Variants in IFT80 observed in about 807,000 individuals in gnomAD.
IFT80 encodes intraflagellar transport protein 80 homolog.
IFT80 carries 79 observed loss-of-function variants against 107.9 expected under a neutral mutation model. The ratio of observed to expected loss-of-function variants is 0.73; its 90% CI spans 0.61 to 0.88. The LOEUF is 0.88. Ranked by LOEUF, IFT80 falls within the 40% of genes least tolerant of loss-of-function variation. IFT80 has a pLI of 0.00. For synonymous variants in IFT80, 299 were observed against 300.9 expected (o/e 0.99, Z 0.07); for missense variants, 797 against 914.2 (o/e 0.87, Z 1.65).
chr3:160,330,738 C>A (rs909219640), intron 8 of IFT80, among the ~76,000 whole-genome samples: 3 of 152,070 alleles, frequency 2.0e-5, no homozygotes, highest in African/African-American at 4.8e-5. Flanking sequence ...CATAATAGAC[C>A]CCCATTTACC....
At position 160,280,681 on chromosome 3, in the gene IFT80, A is replaced by G; in HGVS notation, c.1650T>C (p.Tyr550=). ...VDRDILPKTL[Y]ERDASEFSKN... is the part of the protein sequence containing the mutation. ...TAAAATGTTACCTTGCATCCCTTTC[A>G]TATAATGTTTTAGGCAAAATGTCTC... Residue 550 remains tyrosine (Y), a synonymous_variant, in exon 15 of 20, where the codon TAT becomes TAC. Coordinates refer to ENST00000326448, the MANE Select transcript of IFT80 (RefSeq NM_020800.3). The G allele has an allele frequency of 1.2e-6, 2 of 1,612,166 alleles. No homozygotes were observed. The highest frequency in any genetic ancestry group is 1.7e-6 in the Non-Finnish European group (2 of 1,178,534).
At chr3:160,299,290 G>C in intron 12 of IFT80, 2 of 1,073,884 alleles carry the variant, frequency 1.9e-6, no homozygotes, top group Non-Finnish European at 2.4e-6. Flanking sequence ...TGAAGAGATA[G>C]AAAAGCTCTA....
At chr3:160,340,941 T>C (rs772875035) in intron 8 of IFT80, among the ~76,000 whole-genome samples, 7 of 152,202 alleles carry the variant, frequency 4.6e-5, no homozygotes, top group Non-Finnish European at 8.8e-5. Flanking sequence ...TTGGGGATTA[T>C]AAAAGCATAT....
intron 14 of IFT80, among the ~76,000 whole-genome samples, chr3:160,281,780 T>G (rs149891522): frequency 6.6e-6 from 1 of 152,234 alleles, no homozygotes; most frequent in East Asian, 1.9e-4. Context: ...ACACTGTGCA[T>G]GTGGCCCCTC....
At chr3:160,381,753 A>G (rs1371576977) in intron 2 of IFT80, 29 bp from the exon 3 acceptor site, 6 of 1,552,856 alleles carry the variant, frequency 3.9e-6, no homozygotes. Flanking sequence ...GACATAAAAC[A>G]TACAAAAGTC....
intron 19 of IFT80, among the ~76,000 whole-genome samples, chr3:160,259,694 G>A (rs1712665905): frequency 6.6e-6 from 1 of 152,128 alleles, no homozygotes; most frequent in Admixed American, 6.6e-5. Flanking sequence ...AAGTTCATTA[G>A]ACTTGTTAGG....
At chr3:160,259,379 T>G (rs1242003733) in intron 19 of IFT80, among the ~76,000 whole-genome samples, 1 of 152,170 alleles carries the variant, frequency 6.6e-6, no homozygotes, top group African/African-American at 2.4e-5. Context: ...CAAGCCATTT[T>G]TCAAATAGGC....
At chr3:160,346,775 G>A (rs1183138155) in intron 8 of IFT80, among the ~76,000 whole-genome samples, 1 of 151,928 alleles carries the variant, frequency 6.6e-6, no homozygotes, top group Non-Finnish European at 1.5e-5. Context: ...TTTGCCAATT[G>A]GCTCTGACCT....
chr3:160,355,768 C>A (rs1364674047), intron 8 of IFT80, among the ~76,000 whole-genome samples: 2 of 152,176 alleles, frequency 1.3e-5, no homozygotes, highest in Non-Finnish European at 2.9e-5. Context: ...TCATCCTTCA[C>A]AATCATGCTC....
chr3:160,332,314 C>T (rs991602680), intron 8 of IFT80, among the ~76,000 whole-genome samples: 1 of 152,096 alleles, frequency 6.6e-6, no homozygotes, highest in Non-Finnish European at 1.5e-5. Flanking sequence ...GGGGTGTCAT[C>T]AAGAACATGA....
In IFT80 at chr3:160,319,811, A is replaced by G; in HGVS notation, c.906T>C (p.His302=). ...HVVFAHVVEQ[H]WEWKNFQVTL... is the part of the protein sequence containing the mutation. ...TTACTTGAAAATTTTTCCACTCCCAATGTTGTTCCACCACATGTGCAAAAA... is the reference window on the plus strand; with the variant it reads ...TTACTTGAAAATTTTTCCACTCCCAGTGTTGTTCCACCACATGTGCAAAAA... The change falls in exon 9 of 20, where the codon CAT becomes CAC. Residue 302 remains histidine (H), a synonymous_variant. Transcript: ENST00000326448. 1.2e-6 allele frequency: 2 copies of G among 1,613,010 alleles called. No individual in the cohort carries two copies. The highest frequency in any genetic ancestry group is 1.7e-6 in the Non-Finnish European group (2 of 1,179,274).
chr3:160,304,510 A>G (rs1257059219), intron 10 of IFT80, among the ~76,000 whole-genome samples: 1 of 143,042 alleles, frequency 7.0e-6, no homozygotes, highest in African/African-American at 2.6e-5. Context: ...ATCTCGGCTC[A>G]CTGCAAGCTC....
chr3:160,374,979 C>G (rs1369619231), intron 5 of IFT80, among the ~76,000 whole-genome samples: 2 of 152,034 alleles, frequency 1.3e-5, no homozygotes, highest in South Asian at 2.1e-4. Flanking sequence ...TAATATACAG[C>G]TAAAGAAATG....
At chr3:160,359,701 C>T (rs1054060596) in intron 6 of IFT80, among the ~76,000 whole-genome samples, 1 of 152,168 alleles carries the variant, frequency 6.6e-6, no homozygotes, top group Admixed American at 6.5e-5. Flanking sequence ...GCTGGTGATA[C>T]CCAGGCAAAC....
chr3:160,315,444 A>C (rs1432343811), intron 9 of IFT80, among the ~76,000 whole-genome samples: 1 of 152,188 alleles, frequency 6.6e-6, no homozygotes, highest in Non-Finnish European at 1.5e-5. Flanking sequence ...AGCATATTGT[A>C]AGGGAAGCCC....
intron 8 of IFT80, among the ~76,000 whole-genome samples, chr3:160,342,313 C>A (rs936054437): frequency 1.3e-5 from 2 of 152,000 alleles, no homozygotes; most frequent in African/African-American, 4.8e-5. Context: ...TACATTAAAA[C>A]GAAATAAGCA....
At chr3:160,282,911 CG>C in intron 13 of IFT80, among the ~76,000 whole-genome samples, 1 of 152,002 alleles carries the variant, frequency 6.6e-6, no homozygotes, top group East Asian at 1.9e-4. Context: ...TCCTACCTTT[CG>C]TAGTCAAGGT....
chr3:160,285,478 CA>C (rs932171368), intron 13 of IFT80, among the ~76,000 whole-genome samples: 1 of 152,122 alleles, frequency 6.6e-6, no homozygotes, highest in African/African-American at 2.4e-5. Flanking sequence ...CTTAGAAACA[CA>C]AATACATTTT....
At chr3:160,350,470 A>C (rs1395919846) in intron 8 of IFT80, among the ~76,000 whole-genome samples, 2 of 151,444 alleles carry the variant, frequency 1.3e-5, no homozygotes, top group Non-Finnish European at 2.9e-5. Context: ...TTTTTAACTC[A>C]AAATGCTCAT....
Sources: allele counts gnomAD v4.1 joint callset (sites outside exome capture counted in the v4.1 genomes callset), GRCh38; gene constraint gnomAD v4.1.1; transcripts MANE v1.5; gene names NCBI Gene and HGNC (gene_info 2026-07-23, HGNC 2026-07-21).